NCKAP1: variants seen among roughly 807,000 people sequenced by gnomAD.
The protein encoded by NCKAP1 is nck-associated protein 1.
In NCKAP1, 21 loss-of-function variants were observed where a neutral mutation model predicts 151.2. The ratio of observed to expected loss-of-function variants is 0.14; its 90% CI spans 0.10 to 0.20. NCKAP1 has a LOEUF of 0.20. NCKAP1 is among the 10% of genes least tolerant of loss of function. The pLI is 1.00. For synonymous variants in NCKAP1, 484 were observed against 451.8 expected (o/e 1.07, Z -0.90); for missense variants, 933 against 1,352.1 (o/e 0.69, Z 4.86).
chr2:182,967,291 G>A lies in NCKAP1; in HGVS notation c.1553C>T (p.Thr518Ile). Residue 518 changes from threonine to isoleucine, a missense_variant, in exon 16 of 31, where the codon ACA (threonine) becomes ATA (isoleucine). By Grantham distance (89) the Thr-to-Ile change is moderately conservative. This residue lies in a region of NCKAP1 where 607 missense variants were observed against 795.0 expected (regional missense o/e 0.76). Coordinates refer to ENST00000361354, the MANE Select transcript of NCKAP1 (RefSeq NM_013436.5). ...DHRELGKMMN[T>I]IIFHTKMVDS... ...TACCATTTTTGTATGAAAAATTATTGTATTCATCATCTTTCCAAGTTCTCT... is the reference window on the plus strand; with the variant it reads ...TACCATTTTTGTATGAAAAATTATTATATTCATCATCTTTCCAAGTTCTCT... 2.1e-5 allele frequency: 34 copies of A among 1,610,616 alleles called. No individual in the cohort carries two copies. Among genetic ancestry groups the A allele is most frequent in the Non-Finnish European group, 2.8e-5 (33 of 1,178,044 alleles).
chr2:183,027,709 A>C (rs1323329273), intron 1 of NCKAP1, among the ~76,000 whole-genome samples: 3 of 152,122 alleles, frequency 2.0e-5, no homozygotes, highest in African/African-American at 7.2e-5. Context: ...TTTTTAAAAA[A>C]ACTTTAAGGT....
rs1353805124 is a variant in NCKAP1 at position 182,909,873 on chromosome 2, AT to A, written c.*15828del. On this transcript the variant is annotated 3_prime_UTR_variant, in exon 31 of 31. Transcript: ENST00000361354. ...CCCTGGAATCCATTCTCAGCCACCG[AT>A]TTAGATAAGGGCCAAATAGCCTCCT... 6.6e-6 allele frequency: 1 copy of A among 152,208 alleles called. No individual in the cohort carries two copies. Among genetic ancestry groups the A allele is most frequent in the East Asian group, 1.9e-4 (1 of 5,194 alleles). The allele number at this position is 152,208 out of a possible 1,614,324, so 9.4% of individuals were successfully genotyped here.
chr2:182,978,809 T>C lies in NCKAP1; in HGVS notation c.1423+25A>G, dbSNP rs568060340. The stretch of plus-strand genomic sequence containing the variant: ...TTGAAAATCTAATTAGAAGAAAATA[T>C]GCTTTTATTTAAAAGGCTTATTACC... On this transcript the variant is annotated intron_variant, in intron 14 of 30. Transcript: ENST00000361354. 1.0e-4 allele frequency: 137 copies of C among 1,348,170 alleles called. 3 individuals carry two copies. In the South Asian group the frequency reaches 2.0e-3, roughly 19 times the overall value. 83.5% of individuals were successfully genotyped at this position (1,348,170 alleles called of 1,614,324 possible). A position where few individuals can be genotyped will look rare whatever the true frequency, so the allele number is the denominator to read the frequency against.
intron 2 of NCKAP1, among the ~76,000 whole-genome samples, chr2:183,004,434 T>A (rs2105877474): frequency 7.4e-6 from 1 of 134,994 alleles, no homozygotes; most frequent in East Asian, 2.1e-4. Context: ...GAGCCTAACA[T>A]CAGAGGAATA....
At chr2:182,944,287 T>A (rs181388416) in intron 23 of NCKAP1, among the ~76,000 whole-genome samples, 2,729 of 152,008 alleles carry the variant, frequency 0.018, 69 homozygotes, top group African/African-American at 0.06. Flanking sequence ...AGATTTTTTT[T>A]AAAAAAAAGT....
Position 183,006,941 on chromosome 2 carries a change from G to A in NCKAP1, c.220-3616C>T, listed in dbSNP as rs112085059. ...GGCTGGAGTGTAGTGGTGTGATGTCGGCTCACTGCAATCTCTGCCTTCCGA... is the reference window on the plus strand; with the variant it reads ...GGCTGGAGTGTAGTGGTGTGATGTCAGCTCACTGCAATCTCTGCCTTCCGA... On this transcript the variant is annotated intron_variant, in intron 2 of 30. Transcript: ENST00000361354. 5.9e-5 allele frequency among the ~76,000 whole-genome samples: 9 copies of A among 152,070 alleles called. 1 individual carries two copies. Among genetic ancestry groups the A allele is most frequent in the East Asian group, 3.9e-4 (2 of 5,176 alleles).
Position 182,978,836 on chromosome 2 carries a change from T to C in NCKAP1, c.1421A>G (p.Gln474Arg), listed in dbSNP as rs1575043683. 5.8e-6 allele frequency: 9 copies of C among 1,558,068 alleles called. No individual in the cohort carries two copies. In the East Asian group the frequency reaches 2.0e-4, roughly 35 times the overall value. ...VNTMTSLSVK[Q>R]VEDGEVFDFR... ...CTTTTATTTAAAAGGCTTATTACCT[T>C]GTTTTACACTTAGGGAAGTCATAGT... The change falls in exon 14 of 31, where the codon CAA becomes CGA. Residue 474 changes from glutamine to arginine, a missense_variant and splice_region_variant. Physicochemically the swap from Gln to Arg is conservative, Grantham distance 43. This residue lies in a region of NCKAP1 where 607 missense variants were observed against 795.0 expected (regional missense o/e 0.76). Transcript: ENST00000361354.
intron 10 of NCKAP1, among the ~76,000 whole-genome samples, chr2:182,983,924 G>A (rs1697994174): frequency 6.6e-6 from 1 of 151,876 alleles, no homozygotes; most frequent in South Asian, 2.1e-4. Flanking sequence ...CCAGCTACTT[G>A]GGAGGCTGAG....
chr2:183,029,418 C>T (rs1172241581), intron 1 of NCKAP1, among the ~76,000 whole-genome samples: 2 of 151,456 alleles, frequency 1.3e-5, no homozygotes, highest in Admixed American at 6.6e-5. Flanking sequence ...CTTAACTTTA[C>T]ATGGTTAATG....
At chr2:183,021,686 C>T (rs969609315) in intron 2 of NCKAP1, among the ~76,000 whole-genome samples, 9 of 152,010 alleles carry the variant, frequency 5.9e-5, no homozygotes, top group African/African-American at 2.2e-4. Context: ...ATGACAGAAA[C>T]CAGTCACAGA....
chr2:183,001,409 A>G (rs1698370956), intron 6 of NCKAP1, among the ~76,000 whole-genome samples: 1 of 152,198 alleles, frequency 6.6e-6, no homozygotes, highest in Admixed American at 6.5e-5. Flanking sequence ...ACTATTTTTA[A>G]TATCTCTTAA....
In NCKAP1 at chr2:182,914,652, G is replaced by T. The variant is rs1696440038; in HGVS notation, c.*11050C>A. 1 of 152,082 alleles carries T rather than the reference G, an allele frequency of 6.6e-6. No homozygotes were observed. Among genetic ancestry groups the T allele is most frequent in the Non-Finnish European group, 1.5e-5 (1 of 68,000 alleles). 9.4% of individuals were successfully genotyped at this position (152,082 alleles called of 1,614,324 possible). A position where few individuals can be genotyped will look rare whatever the true frequency, so the allele number is the denominator to read the frequency against. ...TTCCCTTTAAAACTTAAGTCACTTA[G>T]AATGACATGAGGGGTTCTATTACTA... On this transcript the variant is annotated 3_prime_UTR_variant, in exon 31 of 31. Transcript: ENST00000361354.
intron 27 of NCKAP1, among the ~76,000 whole-genome samples, 199 bp from the exon 28 acceptor site, chr2:182,929,098 T>TATATATTACAATATTACAATTAATTACAA (rs1333315576): frequency 2.0e-5 from 3 of 151,942 alleles, no homozygotes. Context: ...TATATTACAA[T>TATATATTACAATATTACAATTAATTACAA]GGACTATTAT....
chr2:183,023,698 C>A, intron 2 of NCKAP1, 108 bp downstream of exon 2: 2 of 849,688 alleles, frequency 2.4e-6, no homozygotes, highest in South Asian at 1.8e-5. Flanking sequence ...ATCTGTATAT[C>A]AAAATGTTAA....
chr2:182,988,735 G>C (rs1477967275), intron 9 of NCKAP1, among the ~76,000 whole-genome samples: 1 of 151,950 alleles, frequency 6.6e-6, no homozygotes, highest in Non-Finnish European at 1.5e-5. Context: ...TGGTACTTTT[G>C]CATCTAAAAT....
chr2:183,009,489 AGCAG>A (rs1553517581), intron 2 of NCKAP1, among the ~76,000 whole-genome samples: 3 of 151,538 alleles, frequency 2.0e-5, no homozygotes, highest in East Asian at 3.9e-4. Context: ...CAAGCAAGCA[AGCAG>A]GCAAGCAAGC....
At chr2:182,957,638 C>T (rs991844541) in intron 18 of NCKAP1, 42 bp from the exon 19 acceptor site, 2 of 1,590,250 alleles carry the variant, frequency 1.3e-6, no homozygotes, top group East Asian at 2.2e-5. Flanking sequence ...ACACCAATTA[C>T]TCTGAAAGCA....
chr2:182,994,692 T>C (rs539790351), intron 8 of NCKAP1, 147 bp downstream of exon 8: 17 of 656,302 alleles, frequency 2.6e-5, no homozygotes, highest in African/African-American at 5.6e-5. Context: ...TCTACTCTGA[T>C]AGGATCAATA....
chr2:182,972,430 A>G (rs1559088024), intron 15 of NCKAP1, among the ~76,000 whole-genome samples: 1 of 152,098 alleles, frequency 6.6e-6, no homozygotes, highest in Non-Finnish European at 1.5e-5. Flanking sequence ...ATAAATGCTA[A>G]CGAGGATGTG....
Sources: gnomAD v4.1 joint callset for allele counts (sites outside exome capture counted in the v4.1 genomes callset) on GRCh38, gnomAD v4.1.1 for gene constraint, gnomAD v4.1.1 regional missense constraint, MANE v1.5 for transcripts, NCBI Gene and HGNC (gene_info 2026-07-23, HGNC 2026-07-21) for gene names.